HLCS: variants seen among roughly 807,000 people sequenced by gnomAD.
HLCS encodes the protein holocarboxylase synthetase, also known as biotin--protein ligase.
HLCS carries 53 observed loss-of-function variants against 75.0 expected under a neutral mutation model. The ratio of observed to expected loss-of-function variants is 0.71; its 90% CI spans 0.57 to 0.89. HLCS has a LOEUF of 0.89. Among genes scored for constraint, HLCS ranks in the 40% least tolerant of loss-of-function variants. The pLI is 0.00. For synonymous variants in HLCS, 431 were observed against 428.6 expected (o/e 1.01, Z -0.07); for missense variants, 966 against 1,074.0 (o/e 0.90, Z 1.41).
chr21:36,942,398 C>CAAAAAAAAAAAAAAAAAAAAAA (rs55999516), intron 2 of HLCS, among the ~76,000 whole-genome samples: 1 of 80,974 alleles, frequency 1.2e-5, no homozygotes, highest in African/African-American at 5.1e-5. Flanking sequence ...GACTCCGTCT[C>CAAAAAAAAAAAAAAAAAAAAAA]AAAAAAAAAA....
intron 6 of HLCS, among the ~76,000 whole-genome samples, chr21:36,885,604 G>A (rs560789292): frequency 2.0e-5 from 3 of 152,042 alleles, no homozygotes; most frequent in South Asian, 2.1e-4. Flanking sequence ...TGAAGGATGC[G>A]TTATAAAGGC....
intron 6 of HLCS, among the ~76,000 whole-genome samples, chr21:36,823,348 A>C (rs1424397773): frequency 6.6e-6 from 1 of 152,098 alleles, no homozygotes; most frequent in East Asian, 1.9e-4. Context: ...TTTCCTCTCT[A>C]CACTTGCCTG....
chr21:36,911,057 G>A (rs999719784), intron 5 of HLCS, among the ~76,000 whole-genome samples: 5 of 152,124 alleles, frequency 3.3e-5, no homozygotes, highest in Admixed American at 2.6e-4. Flanking sequence ...GGTTTATTTA[G>A]CCCACATTTT....
intron 6 of HLCS, among the ~76,000 whole-genome samples, chr21:36,843,961 T>A (rs1297305179): frequency 2.6e-5 from 4 of 152,204 alleles, no homozygotes; most frequent in African/African-American, 9.7e-5. Flanking sequence ...TGAGCCATGA[T>A]CATACCACTG....
In HLCS at chr21:36,756,245, T is replaced by A. The variant is rs375847542; in HGVS notation, c.2450+297A>T. Among the ~76,000 whole-genome samples the A allele has an allele frequency of 8.1e-5, 12 of 148,912 alleles. No individual in the cohort carries two copies. In the South Asian group the frequency reaches 8.3e-4, roughly 10 times the overall value. On this transcript the variant is annotated intron_variant, in intron 10 of 10. Transcript: ENST00000674895. Reference sequence around the variant, plus strand: ...CAAGGTCAGGAGATCGAGACCATCCTGGCTAACACGGTGAAACCCCACCTC... The same window carrying A: ...CAAGGTCAGGAGATCGAGACCATCCAGGCTAACACGGTGAAACCCCACCTC...
At chr21:36,951,467 G>A (rs1386649586) in intron 2 of HLCS, among the ~76,000 whole-genome samples, 3 of 152,056 alleles carry the variant, frequency 2.0e-5, no homozygotes, top group Admixed American at 6.6e-5. Context: ...CTGACCTCAC[G>A]CATCTAAGTA....
intron 5 of HLCS, among the ~76,000 whole-genome samples, chr21:36,922,750 G>A (rs747764917): frequency 1.3e-5 from 2 of 152,134 alleles, no homozygotes; most frequent in African/African-American, 2.4e-5. Context: ...CTCAGGTGGG[G>A]GAAATGGGGG....
chr21:36,807,209 A>C (rs1365026810), intron 6 of HLCS, among the ~76,000 whole-genome samples: 1 of 151,978 alleles, frequency 6.6e-6, no homozygotes, highest in Non-Finnish European at 1.5e-5. Context: ...GAGCATGAAA[A>C]CCTGAGGACA....
chr21:36,862,491 T>C (rs1395427582), intron 6 of HLCS, among the ~76,000 whole-genome samples: 1 of 152,208 alleles, frequency 6.6e-6, no homozygotes, highest in Non-Finnish European at 1.5e-5. Context: ...TGTGAGGTGG[T>C]ATCTCATTGT....
At chr21:36,885,767 T>C (rs1855437819) in intron 6 of HLCS, among the ~76,000 whole-genome samples, 1 of 152,118 alleles carries the variant, frequency 6.6e-6, no homozygotes, top group South Asian at 2.1e-4. Context: ...CTATTCCCCA[T>C]GGGTCCCAGA....
chr21:36,895,169 C>T (rs2064963816), intron 6 of HLCS, among the ~76,000 whole-genome samples: 1 of 152,190 alleles, frequency 6.6e-6, no homozygotes, highest in Admixed American at 6.5e-5. Flanking sequence ...TCCACAGAAA[C>T]AACAAAAATG....
At chr21:36,774,008 T>C (rs1181421703) in intron 6 of HLCS, among the ~76,000 whole-genome samples, 1 of 152,234 alleles carries the variant, frequency 6.6e-6, no homozygotes, top group Non-Finnish European at 1.5e-5. Flanking sequence ...TTTTTTAAGC[T>C]ACTTTCTAGG....
chr21:36,757,573 G>C (rs975583253), intron 9 of HLCS, among the ~76,000 whole-genome samples: 5 of 152,152 alleles, frequency 3.3e-5, no homozygotes, highest in South Asian at 2.1e-4. Context: ...CATGTTTTCA[G>C]TGACTTTAAG....
At chr21:36,762,866 C>T (rs1290409806) in intron 8 of HLCS, among the ~76,000 whole-genome samples, 1 of 152,180 alleles carries the variant, frequency 6.6e-6, no homozygotes, top group African/African-American at 2.4e-5. Context: ...TCAAAGAATG[C>T]TCGCTAAGGG....
intron 2 of HLCS, among the ~76,000 whole-genome samples, chr21:36,942,817 C>T (rs568212512): frequency 6.6e-6 from 1 of 152,094 alleles, no homozygotes; most frequent in South Asian, 2.1e-4. Flanking sequence ...GTAGTCCCAG[C>T]TACTAGGGAG....
intron 6 of HLCS, among the ~76,000 whole-genome samples, chr21:36,808,551 G>C (rs986031047): frequency 6.6e-6 from 1 of 152,106 alleles, no homozygotes; most frequent in East Asian, 1.9e-4. Flanking sequence ...TCTCACCATC[G>C]AGGTCCGTAT....
intron 2 of HLCS, among the ~76,000 whole-genome samples, chr21:36,959,535 A>C (rs2068162276): frequency 6.6e-6 from 1 of 152,236 alleles, no homozygotes; most frequent in African/African-American, 2.4e-5. Context: ...GACCAGCCCA[A>C]AACCTGGGGA....
intron 6 of HLCS, among the ~76,000 whole-genome samples, chr21:36,795,617 T>C (rs905240875): frequency 2.0e-5 from 3 of 152,180 alleles, no homozygotes; most frequent in Non-Finnish European, 4.4e-5. Context: ...ATATGCAAAA[T>C]TAGTATTCCC....
At chr21:36,760,440 C>A (rs577833694) in intron 8 of HLCS, among the ~76,000 whole-genome samples, 6 of 152,176 alleles carry the variant, frequency 3.9e-5, no homozygotes, top group African/African-American at 1.4e-4. Flanking sequence ...GAAACCCCAT[C>A]TCTGCTAAAA....
Sources: allele counts gnomAD v4.1 joint callset (sites outside exome capture counted in the v4.1 genomes callset), GRCh38; gene constraint gnomAD v4.1.1; transcripts MANE v1.5; gene names NCBI Gene and HGNC (gene_info 2026-07-23, HGNC 2026-07-21).